KCNIP1: variants seen among roughly 807,000 people sequenced by gnomAD.
KCNIP1 encodes potassium voltage-gated channel interacting protein 1, also known as A-type potassium channel modulatory protein KCNIP1.
KCNIP1 carries 18 observed loss-of-function variants against 33.0 expected under a neutral mutation model. The ratio of observed to expected loss-of-function variants is 0.55; its 90% CI spans 0.38 to 0.81. KCNIP1 has a LOEUF of 0.81. Ranked by LOEUF, KCNIP1 falls within the 30% of genes least tolerant of loss-of-function variation. The probability of loss-of-function intolerance (pLI) is 0.00; values close to 1 mark genes in which losing one functional copy is unlikely to be tolerated. For missense variants in KCNIP1, 238 were observed against 271.6 expected, an observed-to-expected ratio of 0.88 and a Z score of 0.87; for synonymous variants, 93 against 98.3, an observed-to-expected ratio of 0.95 and a Z score of 0.32.
intron 1 of KCNIP1, among the ~76,000 whole-genome samples, chr5:170,477,014 G>A (rs1432458968): frequency 1.3e-5 from 2 of 152,204 alleles, no homozygotes; most frequent in African/African-American, 4.8e-5. Flanking sequence ...ATGCACCGCT[G>A]TAATGTGGAA....
chr5:170,392,410 C>T (rs1407329072), intron 1 of KCNIP1, among the ~76,000 whole-genome samples: 2 of 152,194 alleles, frequency 1.3e-5, no homozygotes, highest in African/African-American at 2.4e-5. Flanking sequence ...AACTGGAACA[C>T]ACTTGCAAGT....
chr5:170,409,941 T>C (rs1755138055), intron 1 of KCNIP1, among the ~76,000 whole-genome samples: 1 of 152,218 alleles, frequency 6.6e-6, no homozygotes, highest in Non-Finnish European at 1.5e-5. Context: ...CAAAAACAAG[T>C]AGTAAATATC....
At chr5:170,439,806 G>C (rs1250514537) in intron 1 of KCNIP1, among the ~76,000 whole-genome samples, 1 of 152,236 alleles carries the variant, frequency 6.6e-6, no homozygotes, top group Non-Finnish European at 1.5e-5. Flanking sequence ...CTCCTTTCTT[G>C]TGGGCCTGGG....
intron 1 of KCNIP1, among the ~76,000 whole-genome samples, chr5:170,451,136 A>G (rs113507923): frequency 1.3e-5 from 2 of 152,180 alleles, no homozygotes; most frequent in East Asian, 3.8e-4. Flanking sequence ...GGCTATTCTG[A>G]CTGTGTTGGA....
At chr5:170,561,250 T>C in intron 1 of KCNIP1, 1 of 392,324 alleles carries the variant, frequency 2.5e-6, no homozygotes, top group Non-Finnish European at 5.2e-6. Context: ...GGCTGGCCCC[T>C]GCATCCTCAG....
intron 1 of KCNIP1, among the ~76,000 whole-genome samples, chr5:170,426,220 T>A (rs1031255239): frequency 6.7e-6 from 1 of 149,104 alleles, no homozygotes; most frequent in Non-Finnish European, 1.5e-5. Flanking sequence ...GGAAAATGTT[T>A]GCTAATGCTT....
intron 1 of KCNIP1, among the ~76,000 whole-genome samples, chr5:170,396,340 C>T (rs1754762644): frequency 6.6e-6 from 1 of 152,146 alleles, no homozygotes; most frequent in South Asian, 2.1e-4. Flanking sequence ...TATGCTCACT[C>T]TCCTGGAATG....
chr5:170,515,703 A>T (rs1755095744), intron 1 of KCNIP1, among the ~76,000 whole-genome samples: 1 of 152,236 alleles, frequency 6.6e-6, no homozygotes. Flanking sequence ...TGGAAAAGCC[A>T]GGATTCGAAC....
intron 1 of KCNIP1, among the ~76,000 whole-genome samples, chr5:170,444,063 C>A (rs1327099772): frequency 6.6e-6 from 1 of 152,208 alleles, no homozygotes; most frequent in East Asian, 1.9e-4. Flanking sequence ...TTTAAGTATG[C>A]AGATGTGGTA....
At chr5:170,656,583 T>C (rs1001297661) in intron 1 of KCNIP1, among the ~76,000 whole-genome samples, 1 of 152,134 alleles carries the variant, frequency 6.6e-6, no homozygotes, top group Admixed American at 6.5e-5. Context: ...CAACTTCCCA[T>C]TGGCTGCATC....
chr5:170,538,995 G>A (rs979795806), intron 1 of KCNIP1, among the ~76,000 whole-genome samples: 5 of 151,944 alleles, frequency 3.3e-5, no homozygotes, highest in Admixed American at 2.0e-4. Context: ...CCTTCTGGGG[G>A]TGTCATTCAT....
At chr5:170,440,475 A>G (rs1193734843) in intron 1 of KCNIP1, among the ~76,000 whole-genome samples, 1 of 152,184 alleles carries the variant, frequency 6.6e-6, no homozygotes, top group Non-Finnish European at 1.5e-5. Flanking sequence ...AACTTGGAGG[A>G]AACACGGAAC....
At chr5:170,390,517 A>AAAAGATATATAT in intron 1 of KCNIP1, among the ~76,000 whole-genome samples, 1 of 74,546 alleles carries the variant, frequency 1.3e-5, no homozygotes, top group Non-Finnish European at 2.5e-5. Context: ...AAAAAAAACA[A>AAAAGATATATAT]ATATATATAT....
intron 1 of KCNIP1, among the ~76,000 whole-genome samples, chr5:170,362,423 C>G (rs190936863): frequency 2.0e-5 from 3 of 152,310 alleles, no homozygotes; most frequent in Admixed American, 2.0e-4. Flanking sequence ...TTTTCGAAAT[C>G]AAGACTTCAG....
chr5:170,728,407 T>A (rs1235298798), intron 5 of KCNIP1, among the ~76,000 whole-genome samples: 2 of 152,216 alleles, frequency 1.3e-5, no homozygotes, highest in Non-Finnish European at 2.9e-5. Flanking sequence ...TCCTTGTTAA[T>A]GACATGATTT....
chr5:170,495,457 A>C (rs1367194607), intron 1 of KCNIP1, among the ~76,000 whole-genome samples: 1 of 152,184 alleles, frequency 6.6e-6, no homozygotes, highest in East Asian at 1.9e-4. Context: ...CTACACACAG[A>C]GGTGGCAGGC....
intron 1 of KCNIP1, among the ~76,000 whole-genome samples, chr5:170,492,788 C>T (rs4867969): frequency 0.02 from 2,974 of 145,776 alleles, 63 homozygotes; most frequent in Admixed American, 0.067. Context: ...TTTTTTGAGA[C>T]GGAGTCTCAC....
intron 1 of KCNIP1, among the ~76,000 whole-genome samples, chr5:170,551,248 C>T (rs909303365): frequency 6.6e-6 from 1 of 152,208 alleles, no homozygotes; most frequent in Non-Finnish European, 1.5e-5. Context: ...TGCAATGTTC[C>T]TTTGCCTAGG....
intron 1 of KCNIP1, among the ~76,000 whole-genome samples, chr5:170,535,627 C>T (rs539632147): frequency 2.0e-5 from 3 of 152,298 alleles, no homozygotes; most frequent in African/African-American, 4.8e-5. Context: ...GAATCATCAC[C>T]CTCTGAAAAC....
Sources: allele counts gnomAD v4.1 joint callset (sites outside exome capture counted in the v4.1 genomes callset), GRCh38; gene constraint gnomAD v4.1.1; transcripts MANE v1.5; gene names NCBI Gene and HGNC (gene_info 2026-07-23, HGNC 2026-07-21).